CCDC61: variants seen among roughly 807,000 people sequenced by gnomAD.
The protein encoded by CCDC61 is coiled-coil domain containing 61, also known as centrosomal protein CCDC61.
A neutral mutation model predicts 63.0 loss-of-function variants in CCDC61; 55 were observed. The ratio of observed to expected loss-of-function variants is 0.87; its 90% confidence interval spans 0.70 to 1.09. The LOEUF (loss-of-function observed/expected upper bound fraction) is 1.09, where lower values mean the gene tolerates loss of function less well. Ranked by LOEUF, CCDC61 falls within the 50% of genes least tolerant of loss-of-function variation. The probability of loss-of-function intolerance (pLI) is 0.00; values close to 1 mark genes in which losing one functional copy is unlikely to be tolerated. For synonymous variants in CCDC61, 270 were observed against 317.0 expected, an observed-to-expected ratio of 0.85 and a Z score of 1.58; for missense variants, 651 against 731.4, an observed-to-expected ratio of 0.89 and a Z score of 1.27.
intron 5 of CCDC61, 57 bp downstream of exon 5, chr19:46,008,358 G>A (rs896104563): frequency 2.3e-5 from 22 of 958,210 alleles, no homozygotes; most frequent in Middle Eastern, 3.6e-4. Flanking sequence ...ATCATGCACC[G>A]CGGGGCCCAT....
intron 12 of CCDC61, among the ~76,000 whole-genome samples, chr19:46,017,697 A>T (rs1313076949): frequency 6.6e-6 from 1 of 152,164 alleles, no homozygotes; most frequent in African/African-American, 2.4e-5. Context: ...TGGCCTGGGA[A>T]CAGCACGTTT....
chr19:46,010,735 C>A (rs1040505901), intron 5 of CCDC61, among the ~76,000 whole-genome samples: 1 of 152,216 alleles, frequency 6.6e-6, no homozygotes, highest in Non-Finnish European at 1.5e-5. Context: ...ACTTGTCCCC[C>A]AGCTTCAACA....
intron 3 of CCDC61, among the ~76,000 whole-genome samples, chr19:46,004,444 C>T (rs1377942427): frequency 2.0e-5 from 3 of 152,092 alleles, no homozygotes; most frequent in South Asian, 4.1e-4. Flanking sequence ...TGAAAAAATA[C>T]ATAATGTCAG....
chr19:46,010,915 T>C (rs966070819), intron 5 of CCDC61, among the ~76,000 whole-genome samples: 16 of 152,238 alleles, frequency 1.1e-4, no homozygotes, highest in African/African-American at 3.4e-4. Flanking sequence ...GGATGTCATC[T>C]GAAACCCACT....
Position 46,016,434 on chromosome 19 carries a change from C to CCGGGAGCGGGCA in CCDC61, c.1091+43_1091+44insGGAGCGGGCACG. The CCGGGAGCGGGCA allele has an allele frequency of 6.2e-7, 1 of 1,603,200 alleles. No individual in the cohort carries two copies. Among genetic ancestry groups the CCGGGAGCGGGCA allele is most frequent in the South Asian group, 1.1e-5 (1 of 90,830 alleles). On this transcript the variant is annotated intron_variant, in intron 9 of 13. Transcript: ENST00000595358. This position sits in a 1 kb window ranked among gnomAD's most constrained non-coding sequence, Gnocchi z 7.2. ...TCCCTCACCTGCCCCTGTCCCTGGCCCGTGCCCGCTCCCGGGCTCTCATCT... is the reference window on the plus strand; with the variant it reads ...TCCCTCACCTGCCCCTGTCCCTGGCCCGGGAGCGGGCACGTGCCCGCTCCCGGGCTCTCATCT...
intron 3 of CCDC61, among the ~76,000 whole-genome samples, chr19:46,006,297 C>T (rs1483300850): frequency 3.3e-5 from 5 of 152,218 alleles, no homozygotes; most frequent in African/African-American, 4.8e-5. Context: ...TCGTGGACCC[C>T]CCAGGGATCT....
At chr19:46,012,534 C>G (rs941318716) in intron 5 of CCDC61, among the ~76,000 whole-genome samples, 1 of 152,062 alleles carries the variant, frequency 6.6e-6, no homozygotes, top group African/African-American at 2.4e-5. Context: ...GTAGCCCCAG[C>G]TACTCGGGAG....
intron 5 of CCDC61, among the ~76,000 whole-genome samples, chr19:46,010,305 G>A (rs1417727165): frequency 6.6e-6 from 1 of 152,216 alleles, no homozygotes; most frequent in African/African-American, 2.4e-5. Context: ...GCCCGGCCAC[G>A]CAGCCTGGGG....
intron 5 of CCDC61, among the ~76,000 whole-genome samples, chr19:46,009,576 C>G (rs1305605105): frequency 6.6e-6 from 1 of 152,174 alleles, no homozygotes; most frequent in Non-Finnish European, 1.5e-5. Flanking sequence ...GACCTTAGAT[C>G]CAGGCAGCCA....
At chr19:46,013,928 T>C (rs1462304804) in intron 5 of CCDC61, among the ~76,000 whole-genome samples, 1 of 152,112 alleles carries the variant, frequency 6.6e-6, no homozygotes, top group Non-Finnish European at 1.5e-5. Flanking sequence ...TCCCGCTTGC[T>C]CAAACGATGT....
At position 46,015,977 on chromosome 19, in the gene CCDC61, G is replaced by A. The variant is rs76700911; in HGVS notation, c.846-77G>A. ...GGGGTAGGCCTGAGGGTTCGGAGAA[G>A]GTGCGGTCGGGGAGGAGTCTCGCGA... On this transcript the variant is annotated intron_variant, in intron 7 of 13. Transcript: ENST00000595358. The surrounding 1 kb of genome is among the most constrained non-coding windows in gnomAD (Gnocchi z 5.3). 0.14 allele frequency: 163,452 copies of A among 1,189,838 alleles called. 11,773 individuals carry two copies. Among genetic ancestry groups the A allele is most frequent in the South Asian group, 0.19 (4,434 of 23,288 alleles). The allele number at this position is 1,189,838 out of a possible 1,614,324, so 73.7% of individuals were successfully genotyped here.
rs1968922502 is a variant in CCDC61, at chr19:46,015,900, G to A, written c.846-154G>A. 6.6e-6 allele frequency among the ~76,000 whole-genome samples: 1 copy of A among 151,924 alleles called. No individual in the cohort carries two copies. Among genetic ancestry groups the A allele is most frequent in the African/African-American group, 2.4e-5 (1 of 41,348 alleles). ...GGGTCCAATTGGGTGAGGTCTGGGG[G>A]GGAAGATATCGAGAGGGTCATGGGC... On this transcript the variant is annotated intron_variant, in intron 7 of 13. Coordinates refer to ENST00000595358, the MANE Select transcript of CCDC61 (RefSeq NM_001267723.2). This position sits in a 1 kb window ranked among gnomAD's most constrained non-coding sequence, Gnocchi z 5.3.
rs769008853 is a variant in CCDC61 at position 46,008,174 on chromosome 19, A to G, written c.424A>G (p.Lys142Glu). ...CCCGCTGCCCCTCCCGTACCAGGGC[A>G]AGCCAGACCCCGTGGTTCTGCAGGG... is the stretch of plus-strand genomic sequence containing the variant. ...HYPLPLPYQG[K>E]PDPVVLQGII... Residue 142 changes from lysine to glutamate, a missense_variant, in exon 5 of 14, where the codon AAG becomes GAG. Coordinates refer to ENST00000595358, the MANE Select transcript of CCDC61 (RefSeq NM_001267723.2). 13 of 1,612,768 alleles carry G rather than the reference A, an allele frequency of 8.1e-6. No homozygotes were observed. The highest frequency in any genetic ancestry group is 1.1e-5 in the Non-Finnish European group (13 of 1,179,476).
rs182205241 is a variant in CCDC61, at chr19:46,004,286, T to C, written c.231+785T>C. On this transcript the variant is annotated intron_variant, in intron 3 of 13. Coordinates refer to ENST00000595358, the MANE Select transcript of CCDC61 (RefSeq NM_001267723.2). ...TCAGCAATATCTCATAAAAATGTAGTCACATCAGTGAATATAGCCATTCAT... is the reference window on the plus strand; with the variant it reads ...TCAGCAATATCTCATAAAAATGTAGCCACATCAGTGAATATAGCCATTCAT... 3.4e-3 allele frequency among the ~76,000 whole-genome samples: 517 copies of C among 152,228 alleles called. 6 individuals are homozygous for C. Among genetic ancestry groups the C allele is most frequent in the African/African-American group, 0.012 (483 of 41,538 alleles).
rs1968923315 is a variant in CCDC61 at position 46,015,924 on chromosome 19, G to T, written c.846-130G>T. Reference sequence around the variant, plus strand: ...GGGGAAGATATCGAGAGGGTCATGGGCCCAGGAGTGCACGTCTAGGAGTTG... The same window carrying T: ...GGGGAAGATATCGAGAGGGTCATGGTCCCAGGAGTGCACGTCTAGGAGTTG... On this transcript the variant is annotated intron_variant, in intron 7 of 13. Transcript: ENST00000595358. The surrounding 1 kb of genome is among the most constrained non-coding windows in gnomAD (Gnocchi z 5.3). 6.6e-6 allele frequency: 5 copies of T among 752,682 alleles called. No homozygotes were observed. The highest frequency in any genetic ancestry group is 9.1e-6 in the Non-Finnish European group (5 of 551,764). The allele number at this position is 752,682 out of a possible 1,614,324, so 46.6% of individuals were successfully genotyped here.
intron 3 of CCDC61, among the ~76,000 whole-genome samples, chr19:46,005,174 C>A (rs1456459849): frequency 6.6e-6 from 1 of 152,030 alleles, no homozygotes; most frequent in African/African-American, 2.4e-5. Context: ...TCATGCCCGG[C>A]TAATTTTGTA....
Position 46,003,124 on chromosome 19 carries a change from C to T in CCDC61, c.106C>T (p.Arg36Trp), listed in dbSNP as rs369405507. The stretch of plus-strand genomic sequence containing the variant: ...GGTGCTGGAGCTGGAGGTGGAGGAC[C>T]GGATGACGGCTGACCAGTGGCGGGG... ...GQVLELEVED[R>W]MTADQWRGEF... The change falls in exon 2 of 14, where the codon CGG (arginine) becomes TGG (tryptophan). Residue 36 changes from arginine to tryptophan, a missense_variant. Transcript: ENST00000595358. 114 of 1,613,348 alleles carry T rather than the reference C, an allele frequency of 7.1e-5. No homozygotes were observed. Among genetic ancestry groups the T allele is most frequent in the Middle Eastern group, 5.0e-4 (3 of 6,054 alleles).
chr19:45,997,335 G>C (rs896469331), intron 1 of CCDC61, among the ~76,000 whole-genome samples: 4 of 152,154 alleles, frequency 2.6e-5, no homozygotes, highest in African/African-American at 9.7e-5. Flanking sequence ...TCCTGTCACT[G>C]TATGGCCCTT....
At chr19:46,000,759 G>T (rs187391342) in intron 1 of CCDC61, among the ~76,000 whole-genome samples, 1 of 152,042 alleles carries the variant, frequency 6.6e-6, no homozygotes, top group African/African-American at 2.4e-5. Context: ...AGGTGTAAGT[G>T]TGCAAGGGGA....
Sources: gnomAD v4.1 joint callset for allele counts (sites outside exome capture counted in the v4.1 genomes callset) on GRCh38, gnomAD v4.1.1 for gene constraint, Gnocchi (gnomAD v3.1) non-coding constraint, MANE v1.5 for transcripts, NCBI Gene and HGNC (gene_info 2026-07-23, HGNC 2026-07-21) for gene names.